Variants in CDH8 observed in about 807,000 individuals in gnomAD.
The protein encoded by CDH8 is cadherin 8.
In CDH8, 17 loss-of-function variants were observed where a neutral mutation model predicts 68.1. The ratio of observed to expected loss-of-function variants is 0.25; its 90% CI spans 0.17 to 0.37. The LOEUF (loss-of-function observed/expected upper bound fraction) is 0.37. Ranked by LOEUF, CDH8 falls within the 10% of genes least tolerant of loss-of-function variation. The probability of loss-of-function intolerance (pLI) is 1.00; values close to 1 mark genes in which losing one functional copy is unlikely to be tolerated. For synonymous variants in CDH8, 372 were observed against 365.1 expected (o/e 1.02, Z -0.21); for missense variants, 763 against 999.3 (o/e 0.76, Z 3.19).
chr16:61,908,408 G>A (rs1441464974), intron 2 of CDH8, among the ~76,000 whole-genome samples: 4 of 152,168 alleles, frequency 2.6e-5, no homozygotes, highest in South Asian at 2.1e-4. Flanking sequence ...CTAGGACAGC[G>A]AAAGGGCAGG....
chr16:61,798,483 C>T (rs988806121), intron 7 of CDH8, among the ~76,000 whole-genome samples: 3 of 152,118 alleles, frequency 2.0e-5, no homozygotes, highest in Non-Finnish European at 4.4e-5. Context: ...AGCTATCTAG[C>T]TAGTGTAACT....
At chr16:61,829,367 C>T (rs1163453809) in intron 4 of CDH8, among the ~76,000 whole-genome samples, 1 of 151,748 alleles carries the variant, frequency 6.6e-6, no homozygotes, top group African/African-American at 2.4e-5. Flanking sequence ...TGTCAATTGT[C>T]CCTTTGTTAA....
At chr16:61,863,545 G>A (rs1413633868) in intron 3 of CDH8, among the ~76,000 whole-genome samples, 1 of 152,062 alleles carries the variant, frequency 6.6e-6, no homozygotes, top group Non-Finnish European at 1.5e-5. Context: ...AAAAATGCTG[G>A]TGCTGACACC....
chr16:61,788,335 T>C (rs1961288749), intron 8 of CDH8, among the ~76,000 whole-genome samples: 1 of 152,138 alleles, frequency 6.6e-6, no homozygotes, highest in Admixed American at 6.6e-5. Context: ...GCATATTTCC[T>C]ATAATTATCA....
At chr16:61,756,698 G>A (rs1960328874) in intron 8 of CDH8, among the ~76,000 whole-genome samples, 1 of 152,074 alleles carries the variant, frequency 6.6e-6, no homozygotes, top group South Asian at 2.1e-4. Flanking sequence ...TTTCACTTCA[G>A]CAGGTTTCTC....
At chr16:61,902,257 G>A (rs935797887) in intron 2 of CDH8, among the ~76,000 whole-genome samples, 2 of 151,974 alleles carry the variant, frequency 1.3e-5, no homozygotes, top group Non-Finnish European at 2.9e-5. Context: ...TCATAGCAAT[G>A]AATATTTACT....
At chr16:61,899,850 AC>A (rs1963937272) in intron 3 of CDH8, among the ~76,000 whole-genome samples, 2 of 151,922 alleles carry the variant, frequency 1.3e-5, no homozygotes, top group Non-Finnish European at 2.9e-5. Context: ...ACACACACAC[AC>A]ACACACACAC....
chr16:61,926,156 T>G (rs1271436939), intron 2 of CDH8, among the ~76,000 whole-genome samples: 2 of 141,256 alleles, frequency 1.4e-5, no homozygotes, highest in Non-Finnish European at 3.1e-5. Flanking sequence ...AGAAGGGGTG[T>G]GTGTGTGTGT....
At chr16:61,768,328 C>G (rs1960655499) in intron 8 of CDH8, among the ~76,000 whole-genome samples, 1 of 107,764 alleles carries the variant, frequency 9.3e-6, no homozygotes. Context: ...CTCTCTCTCT[C>G]TCTCTCTCTC....
chr16:62,020,504 A>G (rs201929635), intron 2 of CDH8, among the ~76,000 whole-genome samples: 1,877 of 109,198 alleles, frequency 0.017, 17 homozygotes, highest in African/African-American at 0.03. Flanking sequence ...GCGCGCACAC[A>G]CACACACACA....
At chr16:61,866,043 C>T (rs1161429297) in intron 3 of CDH8, among the ~76,000 whole-genome samples, 1 of 152,086 alleles carries the variant, frequency 6.6e-6, no homozygotes, top group Admixed American at 6.6e-5. Flanking sequence ...CATGGCCAAA[C>T]TCTGTCTCTA....
chr16:61,654,967 T>G (rs1301741648), intron 11 of CDH8, among the ~76,000 whole-genome samples: 2 of 152,236 alleles, frequency 1.3e-5, no homozygotes, highest in Admixed American at 6.5e-5. Flanking sequence ...GATGTTTATA[T>G]GAAGGAAAAT....
At chr16:61,844,406 T>C (rs1208835938) in intron 4 of CDH8, among the ~76,000 whole-genome samples, 1 of 151,958 alleles carries the variant, frequency 6.6e-6, no homozygotes, top group African/African-American at 2.4e-5. Context: ...GTTGTGCACA[T>C]GTACCCTAAA....
intron 3 of CDH8, among the ~76,000 whole-genome samples, chr16:61,884,109 G>C (rs1305475560): frequency 6.6e-6 from 1 of 152,136 alleles, no homozygotes; most frequent in Non-Finnish European, 1.5e-5. Flanking sequence ...TCATACGCTT[G>C]AAAAACAGCC....
Position 61,650,884 on chromosome 16 carries a change from T to C in CDH8, c.*2724A>G, listed in dbSNP as rs528431534. 2.6e-5 allele frequency: 4 copies of C among 152,180 alleles called. No homozygotes were observed. The South Asian group carries it at 8.3e-4, about 32-fold the overall frequency. 9.4% of individuals were successfully genotyped at this position (152,180 alleles called of 1,614,324 possible). A position where few individuals can be genotyped will look rare whatever the true frequency, so the allele number is the denominator to read the frequency against. On this transcript the variant is annotated 3_prime_UTR_variant, in exon 12 of 12. Transcript: ENST00000577390. ...GCTTTTAAACACAAAATGCTGACAC[T>C]GTGGTGGCAAAGAAAGTCAGCAAGA...
chr16:61,964,017 C>T (rs1965203395), intron 2 of CDH8, among the ~76,000 whole-genome samples: 1 of 152,162 alleles, frequency 6.6e-6, no homozygotes, highest in Non-Finnish European at 1.5e-5. Flanking sequence ...TAAGTCTTCA[C>T]TTAATATCCT....
At chr16:61,959,984 G>GCATATATATA (rs1965066989) in intron 2 of CDH8, among the ~76,000 whole-genome samples, 1 of 44,556 alleles carries the variant, frequency 2.2e-5, no homozygotes. Flanking sequence ...GTGTGTGTGT[G>GCATATATATA]TATATATATA....
At chr16:61,891,947 C>T (rs1597046181) in intron 3 of CDH8, among the ~76,000 whole-genome samples, 1 of 152,114 alleles carries the variant, frequency 6.6e-6, no homozygotes, top group South Asian at 2.1e-4. Context: ...AAGAAAGACA[C>T]AACCTATAAA....
intron 4 of CDH8, among the ~76,000 whole-genome samples, chr16:61,840,044 T>C (rs1162261571): frequency 1.3e-5 from 2 of 152,194 alleles, no homozygotes; most frequent in Non-Finnish European, 2.9e-5. Flanking sequence ...AAGGTATTCC[T>C]GCTCCAATCT....
Sources: gnomAD v4.1 joint callset for allele counts (sites outside exome capture counted in the v4.1 genomes callset) on GRCh38, gnomAD v4.1.1 for gene constraint, MANE v1.5 for transcripts, NCBI Gene and HGNC (gene_info 2026-07-23, HGNC 2026-07-21) for gene names.